Variants in USP4 observed in about 807,000 individuals in gnomAD.
USP4 encodes ubiquitin carboxyl-terminal hydrolase 4.
In USP4, 72 loss-of-function variants were observed where a neutral mutation model predicts 118.2. The observed-to-expected ratio is 0.61, with a 90% CI of 0.50 to 0.74. The LOEUF (loss-of-function observed/expected upper bound fraction) is 0.74. Ranked by LOEUF, USP4 falls within the 30% of genes least tolerant of loss-of-function variation. The pLI, the probability that USP4 is intolerant of heterozygous loss-of-function variation, is 0.00. For synonymous variants in USP4, 415 were observed against 440.4 expected, an observed-to-expected ratio of 0.94 and a Z score of 0.72; for missense variants, 1,037 against 1,185.7, an observed-to-expected ratio of 0.87 and a Z score of 1.84.
intron 1 of USP4, among the ~76,000 whole-genome samples, chr3:49,336,838 A>G (rs1486966542): frequency 6.6e-6 from 1 of 152,064 alleles, no homozygotes; most frequent in Non-Finnish European, 1.5e-5. Flanking sequence ...CATTAATTTC[A>G]TAATGATCTT....
At chr3:49,324,590 A>G in intron 6 of USP4, 112 bp downstream of exon 6, 7 of 988,210 alleles carry the variant, frequency 7.1e-6, no homozygotes, top group Non-Finnish European at 1.1e-5. Flanking sequence ...TATACAAAAT[A>G]GGCATTGTTC....
rs1412087580 is a variant in USP4 at position 49,305,882 on chromosome 3, TCAAA to T, written c.957_960del (p.Cys319Ter). ...TAGTCAGTCAGTGGTGCAGTGTTGC[TCAAA>T]CACTGAAACAGAACATGATGAGGGC... On this transcript the variant is annotated frameshift_variant and splice_region_variant, in exon 9 of 22. Transcript: ENST00000265560. LOFTEE classifies it high-confidence loss of function. 3 of 1,612,834 alleles carry T rather than the reference TCAAA, an allele frequency of 1.9e-6. No individual in the cohort carries two copies. In the Admixed American group the frequency reaches 5.0e-5, roughly 27 times the overall value.
intron 14 of USP4, chr3:49,293,481 CA>C (rs1157550723): frequency 6.5e-6 from 1 of 152,864 alleles, no homozygotes; most frequent in South Asian, 2.0e-4. Context: ...AACAAACAAA[CA>C]AACAACAACA....
At chr3:49,327,974 C>T (rs2047574519) in intron 2 of USP4, among the ~76,000 whole-genome samples, 158 bp from the exon 3 acceptor site, 1 of 152,168 alleles carries the variant, frequency 6.6e-6, no homozygotes, top group African/African-American at 2.4e-5. Context: ...ACAGAGCAGA[C>T]TTTTGTCTTT....
chr3:49,303,438 CAAAAAAAAAAAA>C (rs1173726988), intron 9 of USP4, among the ~76,000 whole-genome samples: 4 of 23,344 alleles, frequency 1.7e-4, no homozygotes, highest in African/African-American at 4.9e-4. Flanking sequence ...AAGGCTGTCT[CAAAAAAAAAAAA>C]AAAAAAAAAA....
At chr3:49,300,924 TTATA>T (rs1246211548) in intron 10 of USP4, among the ~76,000 whole-genome samples, 3 of 152,174 alleles carry the variant, frequency 2.0e-5, no homozygotes, top group African/African-American at 7.2e-5. Context: ...ACATATATGT[TTATA>T]TATATACATA....
chr3:49,322,714 A>T (rs1458521253), intron 6 of USP4, among the ~76,000 whole-genome samples: 1 of 151,974 alleles, frequency 6.6e-6, no homozygotes. Context: ...TACAAAAATT[A>T]GCTGGGCATG....
Position 49,281,476 on chromosome 3 carries a change from G to GTATA in USP4, c.2541-633_2541-630dup, listed in dbSNP as rs568103712. Among the ~76,000 whole-genome samples, 360 of 105,960 alleles carry GTATA rather than the reference G, an allele frequency of 3.4e-3. 1 individual carries two copies. The highest frequency in any genetic ancestry group is 0.011 in the African/African-American group (343 of 30,742). The allele number at this position is 105,960 out of a possible 152,430, so 69.5% of individuals were successfully genotyped here. On this transcript the variant is annotated intron_variant, in intron 19 of 21. Coordinates refer to ENST00000265560, the MANE Select transcript of USP4 (RefSeq NM_003363.4). ...GTCTCAAAAAAGAAAAAAAGTATGT[G>GTATA]TATATATATATATATACACACACAC...
chr3:49,315,495 G>A (rs2047425805), intron 6 of USP4, among the ~76,000 whole-genome samples: 1 of 152,154 alleles, frequency 6.6e-6, no homozygotes. Context: ...GGCATTACAG[G>A]CTGGAATATA....
intron 1 of USP4, among the ~76,000 whole-genome samples, chr3:49,336,546 CAG>C (rs1254989293): frequency 2.0e-5 from 3 of 149,700 alleles, no homozygotes; most frequent in African/African-American, 7.4e-5. Flanking sequence ...TTTTTTGAGA[CAG>C]AGTTTCGCTC....
intron 6 of USP4, among the ~76,000 whole-genome samples, chr3:49,315,484 G>A (rs2047425718): frequency 6.6e-6 from 1 of 152,150 alleles, no homozygotes; most frequent in Non-Finnish European, 1.5e-5. Context: ...AACAAACCCT[G>A]GGCATTACAG....
intron 7 of USP4, among the ~76,000 whole-genome samples, chr3:49,311,084 A>G (rs532823017): frequency 6.6e-6 from 1 of 152,314 alleles, no homozygotes; most frequent in South Asian, 2.1e-4. Context: ...ACTGGCCCTG[A>G]AAGTTCATGC....
chr3:49,317,166 C>CA (rs2047446987), intron 6 of USP4: 1 of 1,453,144 alleles, frequency 6.9e-7, no homozygotes, highest in African/African-American at 1.4e-5. Context: ...GGACACTGAG[C>CA]AAAGTCTGGG....
chr3:49,287,559 G>A (rs1250935041), intron 15 of USP4, among the ~76,000 whole-genome samples: 8 of 151,716 alleles, frequency 5.3e-5, no homozygotes, highest in South Asian at 2.1e-4. Context: ...TGCCACCTCC[G>A]CCTCCCAGGT....
intron 8 of USP4, 94 bp from the exon 9 acceptor site, chr3:49,305,982 G>A (rs1183257762): frequency 2.0e-5 from 26 of 1,286,920 alleles, no homozygotes; most frequent in East Asian, 1.3e-4. Flanking sequence ...GAGGGACAAC[G>A]CCAACAAAAT....
chr3:49,284,244 G>C, intron 18 of USP4, 108 bp from the exon 19 acceptor site: 1 of 1,456,620 alleles, frequency 6.9e-7, no homozygotes, highest in Non-Finnish European at 9.5e-7. Flanking sequence ...CATCCTCTCG[G>C]TCAGCACTCA....
chr3:49,278,279 T>A lies in USP4; in HGVS notation c.*14A>T. On this transcript the variant is annotated 3_prime_UTR_variant, in exon 22 of 22. Coordinates refer to ENST00000265560, the MANE Select transcript of USP4 (RefSeq NM_003363.4). ...ACACTGGCGCTACAGGGTGGCAGGA[T>A]CGTGGAGTCAGCATTAGTTGGTGTC... is the stretch of plus-strand genomic sequence containing the variant. 2 of 1,611,736 alleles carry A rather than the reference T, an allele frequency of 1.2e-6. No homozygotes were observed. Among genetic ancestry groups the A allele is most frequent in the Non-Finnish European group, 1.7e-6 (2 of 1,179,398 alleles).
intron 15 of USP4, among the ~76,000 whole-genome samples, chr3:49,290,353 G>A (rs2047139585): frequency 6.6e-6 from 1 of 152,210 alleles, no homozygotes; most frequent in African/African-American, 2.4e-5. Context: ...GACTGAGGCT[G>A]CAGTAAGCCA....
intron 2 of USP4, among the ~76,000 whole-genome samples, chr3:49,330,121 A>T (rs2047598945): frequency 6.6e-6 from 1 of 151,990 alleles, no homozygotes; most frequent in South Asian, 2.1e-4. Flanking sequence ...CAGGGAGCCA[A>T]GACTGAGCCA....
Sources: gnomAD v4.1 joint callset for allele counts (sites outside exome capture counted in the v4.1 genomes callset) on GRCh38, gnomAD v4.1.1 for gene constraint, MANE v1.5 for transcripts, NCBI Gene and HGNC (gene_info 2026-07-23, HGNC 2026-07-21) for gene names.